Variants in F13A1 observed in about 807,000 individuals in gnomAD.
F13A1 encodes the protein FSF, A subunit.
Under a neutral mutation model 80.1 loss-of-function variants are expected in F13A1, and 47 were observed. That is an observed-to-expected ratio of 0.59 (90% CI 0.46 to 0.75). The LOEUF is 0.75. Ranked by LOEUF, F13A1 falls within the 30% of genes least tolerant of loss-of-function variation. The probability of loss-of-function intolerance (pLI) is 0.00; values close to 1 mark genes in which losing one functional copy is unlikely to be tolerated. For synonymous variants in F13A1, 349 were observed against 344.9 expected, an observed-to-expected ratio of 1.01 and a Z score of -0.13; for missense variants, 817 against 930.4, an observed-to-expected ratio of 0.88 and a Z score of 1.59.
At chr6:6,297,857 T>A (rs567233918) in intron 3 of F13A1, among the ~76,000 whole-genome samples, 53 of 150,478 alleles carry the variant, frequency 3.5e-4, no homozygotes, top group Non-Finnish European at 2.1e-4. Flanking sequence ...CAATTTTGGA[T>A]CTTTCCTGCT....
intron 9 of F13A1, among the ~76,000 whole-genome samples, chr6:6,196,981 T>C (rs184627834): frequency 7.7e-4 from 117 of 152,364 alleles, no homozygotes; most frequent in African/African-American, 2.6e-3. Flanking sequence ...AAAGCAAGAA[T>C]GGATGAATTA....
chr6:6,267,022 T>C (rs1757855104), intron 3 of F13A1, among the ~76,000 whole-genome samples: 1 of 152,236 alleles, frequency 6.6e-6, no homozygotes, highest in Admixed American at 6.5e-5. Flanking sequence ...TTGTTTTCTA[T>C]AAAGCATGTA....
At chr6:6,226,244 A>T (rs1002102166) in intron 6 of F13A1, among the ~76,000 whole-genome samples, 1 of 152,178 alleles carries the variant, frequency 6.6e-6, no homozygotes, top group African/African-American at 2.4e-5. Context: ...GTTTACATTG[A>T]CATTACAATG....
At chr6:6,254,917 G>C (rs1360010943) in intron 4 of F13A1, among the ~76,000 whole-genome samples, 2 of 151,960 alleles carry the variant, frequency 1.3e-5, no homozygotes, top group Admixed American at 1.3e-4. Flanking sequence ...TTTCTAAAAT[G>C]TGTTTCCATT....
chr6:6,197,224 A>G lies in F13A1; in HGVS notation c.1215T>C (p.Asp405=), dbSNP rs776504971. The G allele has an allele frequency of 3.1e-6, 5 of 1,613,942 alleles. No homozygotes were observed. The highest frequency in any genetic ancestry group is 4.2e-6 in the Non-Finnish European group (5 of 1,179,828). The change falls in exon 9 of 15, where the codon GAT becomes GAC. Residue 405 remains aspartate (D), a splice_region_variant and synonymous_variant. Transcript: ENST00000264870. The part of the protein sequence containing the change: ...AVDSTPQENS[D]GMYRCGPASV... The stretch of plus-strand genomic sequence containing the variant: ...CCCAGAGGGAGGACACAGTTTTACC[A>G]TCGCTATTTTCCTGGGGGGTGCTGT...
intron 3 of F13A1, among the ~76,000 whole-genome samples, chr6:6,293,818 G>C (rs1758272023): frequency 9.0e-6 from 1 of 110,738 alleles, no homozygotes. Flanking sequence ...AGGGAGGGAG[G>C]GAGGGAGAGA....
intron 8 of F13A1, among the ~76,000 whole-genome samples, chr6:6,213,625 G>A (rs1211541702): frequency 2.0e-5 from 3 of 147,630 alleles, no homozygotes; most frequent in Admixed American, 6.8e-5. Context: ...ATCAACTAAC[G>A]AGCAAAATAA....
In F13A1 at chr6:6,248,383, T is replaced by C; in HGVS notation, c.727A>G (p.Met243Val). Residue 243 changes from methionine (M) to valine (V), a missense_variant, in exon 6 of 15, where the codon ATG becomes GTG. Coordinates refer to ENST00000264870, the MANE Select transcript of F13A1 (RefSeq NM_000129.4). ...GAGAGGTCCATTTGTGCTCTGTCCA[T>C]CACATACAGGCAAGTGTCCAGGATG... ...DGILDTCLYVMDRAQMDLSGR... is the reference protein window; with the variant it reads ...DGILDTCLYVVDRAQMDLSGR... The C allele has an allele frequency of 6.2e-7, 1 of 1,613,852 alleles. No homozygotes were observed. Among genetic ancestry groups the C allele is most frequent in the Non-Finnish European group, 8.5e-7 (1 of 1,179,866 alleles).
chr6:6,299,749 C>T (rs370432034), intron 3 of F13A1, among the ~76,000 whole-genome samples: 3 of 147,314 alleles, frequency 2.0e-5, no homozygotes, highest in African/African-American at 2.7e-5. Flanking sequence ...TCTCTCAGCT[C>T]GTCAAAGTCA....
intron 6 of F13A1, among the ~76,000 whole-genome samples, chr6:6,246,531 A>C (rs1269617071): frequency 6.6e-6 from 1 of 152,262 alleles, no homozygotes; most frequent in African/African-American, 2.4e-5. Context: ...ACCGTTTTCC[A>C]AATGGATTTT....
At chr6:6,179,859 C>T (rs535642177) in intron 11 of F13A1, among the ~76,000 whole-genome samples, 2 of 152,140 alleles carry the variant, frequency 1.3e-5, no homozygotes, top group Non-Finnish European at 2.9e-5. Context: ...TCATGCAGTG[C>T]GGACACATTT....
intron 3 of F13A1, 129 bp downstream of exon 3, chr6:6,305,222 C>T: frequency 9.7e-7 from 1 of 1,028,022 alleles, no homozygotes; most frequent in Non-Finnish European, 1.5e-6. Context: ...AATTCAGGGG[C>T]TGGATGTCAT....
At chr6:6,253,890 T>C (rs770984920) in intron 4 of F13A1, among the ~76,000 whole-genome samples, 31 of 152,178 alleles carry the variant, frequency 2.0e-4, no homozygotes, top group Non-Finnish European at 3.4e-4. Flanking sequence ...AGAAAAAAAG[T>C]GTCAGTAAGA....
At position 6,145,691 on chromosome 6, in the gene F13A1, G is replaced by C. The variant is rs1332164056; in HGVS notation, c.2127C>G (p.Ser709Arg). The C allele has an allele frequency of 2.5e-6, 4 of 1,614,022 alleles. No individual in the cohort carries two copies. The Admixed American group carries it at 6.7e-5, about 27-fold the overall frequency. Residue 709 changes from serine (S) to arginine (R), a missense_variant, in exon 15 of 15, where the codon AGC becomes AGG. Physicochemically the swap from Ser to Arg is moderately radical, Grantham distance 110. Transcript: ENST00000264870. ...CATGTCTCAGGGAGTCACTGCTCAT[G>C]CTGGCTATCAGCTTCCGATGCCCAG... Reference protein sequence around the residue: ...WVSGHRKLIASMSSDSLRHVY... With the variant: ...WVSGHRKLIARMSSDSLRHVY...
At chr6:6,190,126 T>C (rs1021732410) in intron 10 of F13A1, among the ~76,000 whole-genome samples, 6 of 151,970 alleles carry the variant, frequency 3.9e-5, no homozygotes, top group Admixed American at 3.3e-4. Flanking sequence ...TACATTCTTC[T>C]AAATTTTTTT....
At chr6:6,282,271 G>A (rs1758077656) in intron 3 of F13A1, among the ~76,000 whole-genome samples, 1 of 152,054 alleles carries the variant, frequency 6.6e-6, no homozygotes, top group African/African-American at 2.4e-5. Flanking sequence ...AACTCAAAAC[G>A]GGCCTGAAAC....
chr6:6,254,562 C>A (rs1257586386), intron 4 of F13A1, among the ~76,000 whole-genome samples: 1 of 152,078 alleles, frequency 6.6e-6, no homozygotes, highest in Non-Finnish European at 1.5e-5. Flanking sequence ...AACCTAAATT[C>A]TCTAGGTATA....
chr6:6,273,839 G>C (rs1298806824), intron 3 of F13A1, among the ~76,000 whole-genome samples: 2 of 152,096 alleles, frequency 1.3e-5, no homozygotes, highest in Admixed American at 6.5e-5. Flanking sequence ...GACCAAGTGG[G>C]AATAAGTCAC....
intron 14 of F13A1, among the ~76,000 whole-genome samples, chr6:6,146,941 T>C (rs992268845): frequency 6.6e-6 from 1 of 152,170 alleles, no homozygotes; most frequent in Non-Finnish European, 1.5e-5. Flanking sequence ...AAAGAAATTG[T>C]GGTATGCATA....
Sources: gnomAD v4.1 joint callset for allele counts (sites outside exome capture counted in the v4.1 genomes callset) on GRCh38, gnomAD v4.1.1 for gene constraint, MANE v1.5 for transcripts, NCBI Gene and HGNC (gene_info 2026-07-23, HGNC 2026-07-21) for gene names.